FOCAD: variants seen among roughly 807,000 people sequenced by gnomAD.
The protein encoded by FOCAD is KIAA1797.
Under a neutral mutation model 225.6 loss-of-function variants are expected in FOCAD, and 198 were observed. The observed-to-expected ratio is 0.88, with a 90% CI of 0.78 to 0.99. The LOEUF is 0.99. Among genes scored for constraint, FOCAD ranks in the 50% least tolerant of loss-of-function variants. The probability of loss-of-function intolerance (pLI) is 0.00; values close to 1 mark genes in which losing one functional copy is unlikely to be tolerated. For synonymous variants in FOCAD, 897 were observed against 755.0 expected (o/e 1.19, Z -3.08); for missense variants, 2,713 against 2,123.6 (o/e 1.28, Z -5.46).
chr9:20,670,544 ACCAGATC>A (rs2131277027), intron 2 of FOCAD, among the ~76,000 whole-genome samples: 1 of 152,236 alleles, frequency 6.6e-6, no homozygotes, highest in East Asian at 1.9e-4. Context: ...CTTTTAAATC[ACCAGATC>A]TTGTGAGAAT....
chr9:20,809,601 T>TA (rs1822832064), intron 11 of FOCAD, among the ~76,000 whole-genome samples: 1 of 152,188 alleles, frequency 6.6e-6, no homozygotes, highest in African/African-American at 2.4e-5. Flanking sequence ...AAGACTATCT[T>TA]AAAATGTTTC....
At chr9:20,772,981 C>CGT (rs1238578447) in intron 8 of FOCAD, among the ~76,000 whole-genome samples, 1 of 37,700 alleles carries the variant, frequency 2.7e-5, no homozygotes, top group South Asian at 8.4e-4. Context: ...TATATAAATG[C>CGT]ATATATAGAT....
At chr9:20,977,712 A>T (rs1003760832) in intron 36 of FOCAD, among the ~76,000 whole-genome samples, 10 of 152,226 alleles carry the variant, frequency 6.6e-5, no homozygotes, top group Non-Finnish European at 1.5e-4. Context: ...TTGACTACAT[A>T]CAATTTTTCA....
intron 27 of FOCAD, 37 bp from the exon 28 acceptor site, chr9:20,932,977 T>G (rs1328779100): frequency 6.8e-7 from 1 of 1,466,264 alleles, no homozygotes; most frequent in Non-Finnish European, 9.6e-7. Flanking sequence ...TTGACTAATT[T>G]TAAATAATTC....
In FOCAD at chr9:20,802,568, A is replaced by G. The variant is rs556716156; in HGVS notation, c.1455+12960A>G. Among the ~76,000 whole-genome samples, 34 of 152,286 alleles carry G rather than the reference A, an allele frequency of 2.2e-4. 2 individuals are homozygous for G. The South Asian group carries it at 6.6e-3, about 30-fold the overall frequency. ...CTTTGGTATGTGTGTTGTTGACTCA[A>G]TTAACACATAAATATATTAGGTGTA... On this transcript the variant is annotated intron_variant, in intron 11 of 43. Coordinates refer to ENST00000338382, the MANE Select transcript of FOCAD (RefSeq NM_001375567.1).
chr9:20,751,201 G>A (rs1346629355), intron 5 of FOCAD, among the ~76,000 whole-genome samples: 2 of 149,296 alleles, frequency 1.3e-5, no homozygotes, highest in South Asian at 2.1e-4. Flanking sequence ...GGGTACATAT[G>A]CACAATGTGC....
At chr9:20,874,439 A>G (rs1830055818) in intron 18 of FOCAD, 1 of 392,002 alleles carries the variant, frequency 2.6e-6, no homozygotes, top group African/African-American at 2.1e-5. Flanking sequence ...GATTTACTGT[A>G]TTAACATAAG....
intron 2 of FOCAD, among the ~76,000 whole-genome samples, chr9:20,673,663 C>T (rs1219426829): frequency 2.0e-5 from 3 of 152,178 alleles, no homozygotes; most frequent in East Asian, 3.9e-4. Context: ...GGCGTGATGG[C>T]GTGATCTCGG....
intron 21 of FOCAD, among the ~76,000 whole-genome samples, chr9:20,898,673 T>C (rs1472806643): frequency 1.3e-5 from 2 of 151,980 alleles, no homozygotes; most frequent in African/African-American, 2.4e-5. Context: ...TCATGGTTAC[T>C]TTAAATTCCC....
At chr9:20,987,493 G>T (rs1271519086) in intron 40 of FOCAD, among the ~76,000 whole-genome samples, 1 of 151,356 alleles carries the variant, frequency 6.6e-6, no homozygotes, top group African/African-American at 2.4e-5. Context: ...GGGTGACAGA[G>T]CGAGACTGCA....
Position 20,948,343 on chromosome 9 carries a change from G to T in FOCAD, c.3748G>T (p.Asp1250Tyr), listed in dbSNP as rs756707091. The T allele has an allele frequency of 1.2e-6, 2 of 1,612,644 alleles. No homozygotes were observed. Among genetic ancestry groups the T allele is most frequent in the East Asian group, 4.5e-5 (2 of 44,800 alleles). The change falls in exon 31 of 44, where the codon GAC becomes TAC. Residue 1250 changes from aspartate to tyrosine, a missense_variant. Coordinates refer to ENST00000338382, the MANE Select transcript of FOCAD (RefSeq NM_001375567.1). The part of the protein sequence containing the change: ...LSVCGHGKAE[D>Y]LGSKLLPAWI... ...TGTGTGTGGACATGGAAAAGCTGAA[G>T]ACTTGGGCAGCAAACTACTCCCTGC...
intron 4 of FOCAD, among the ~76,000 whole-genome samples, chr9:20,728,853 A>T (rs1826429975): frequency 1.3e-5 from 2 of 152,228 alleles, no homozygotes. Flanking sequence ...ATAAAGGAGT[A>T]TGTATCTCAT....
chr9:20,929,930 T>C (rs1030163138), intron 27 of FOCAD, among the ~76,000 whole-genome samples: 4 of 152,174 alleles, frequency 2.6e-5, no homozygotes, highest in African/African-American at 9.7e-5. Flanking sequence ...AAGCTTCTTT[T>C]TTCTGGTTTG....
At chr9:20,662,869 C>G (rs956880704) in intron 2 of FOCAD, among the ~76,000 whole-genome samples, 1 of 152,110 alleles carries the variant, frequency 6.6e-6, no homozygotes, top group Non-Finnish European at 1.5e-5. Context: ...GCATAGTATA[C>G]TTAATAGAAA....
intron 21 of FOCAD, among the ~76,000 whole-genome samples, chr9:20,898,631 TTTA>T (rs1410831858): frequency 2.0e-5 from 3 of 151,940 alleles, no homozygotes; most frequent in Non-Finnish European, 4.4e-5. Flanking sequence ...GCATATTGTC[TTTA>T]TTATCTTTTA....
At chr9:20,797,933 A>G (rs2131255976) in intron 11 of FOCAD, among the ~76,000 whole-genome samples, 1 of 152,326 alleles carries the variant, frequency 6.6e-6, no homozygotes, top group Middle Eastern at 3.4e-3. Context: ...CCGGTTTTCA[A>G]AGGGAATGCT....
rs1840687985 is a variant in FOCAD at position 20,981,428 on chromosome 9, G to C, written c.4380G>C (p.Leu1460=). ...VTPPLIHSLS[L]NTKRYLLISA... is the part of the protein sequence containing the mutation. ...AACCCCTTCTGTTTTACTTCCAGCT[G>C]AATACCAAGAGATATCTCCTGATAT... is the stretch of plus-strand genomic sequence containing the variant. The change falls in exon 38 of 44, where the codon CTG becomes CTC. Residue 1460 remains leucine, a splice_region_variant and synonymous_variant. Coordinates refer to ENST00000338382, the MANE Select transcript of FOCAD (RefSeq NM_001375567.1). 1 of 1,613,820 alleles carries C rather than the reference G, an allele frequency of 6.2e-7. No individual in the cohort carries two copies.
intron 28 of FOCAD, among the ~76,000 whole-genome samples, chr9:20,943,266 T>C (rs1836849266): frequency 6.6e-6 from 1 of 152,236 alleles, no homozygotes; most frequent in African/African-American, 2.4e-5. Context: ...CAGTTCTGCC[T>C]GACTAATGAT....
At chr9:20,818,616 C>G (rs1034280464) in intron 11 of FOCAD, among the ~76,000 whole-genome samples, 1 of 151,928 alleles carries the variant, frequency 6.6e-6, no homozygotes, top group Non-Finnish European at 1.5e-5. Flanking sequence ...ACTATCCCTC[C>G]GAGAGACTCT....
Sources: gnomAD v4.1 joint callset for allele counts (sites outside exome capture counted in the v4.1 genomes callset) on GRCh38, gnomAD v4.1.1 for gene constraint, MANE v1.5 for transcripts, NCBI Gene and HGNC (gene_info 2026-07-23, HGNC 2026-07-21) for gene names.